FAM178B: variants seen among roughly 807,000 people sequenced by gnomAD.
The protein encoded by FAM178B is protein FAM178B.
FAM178B carries 82 observed loss-of-function variants against 91.7 expected under a neutral mutation model. The observed-to-expected ratio is 0.89, with a 90% confidence interval of 0.75 to 1.07. FAM178B has a LOEUF of 1.07. Ranked by LOEUF, FAM178B falls within the 50% of genes least tolerant of loss-of-function variation. The pLI is 0.00. For missense variants in FAM178B, 769 were observed against 846.7 expected, an observed-to-expected ratio of 0.91 and a Z score of 1.14; for synonymous variants, 368 against 359.4, an observed-to-expected ratio of 1.02 and a Z score of -0.27.
chr2:96,977,968 G>C (rs1450046382), intron 1 of FAM178B: 2 of 449,962 alleles, frequency 4.4e-6, no homozygotes, highest in Non-Finnish European at 4.5e-6. Flanking sequence ...GGGGGCGACC[G>C]GCAAGAGGGA....
rs765524889 is a variant in FAM178B, at chr2:96,878,505, G to A, written c.1777-12C>T. ...CACAGGTAGCAGGCCTGGAGGGAGA[G>A]CACAGGGAGAGCTGCTTCTCTAACT... On this transcript the variant is annotated splice_polypyrimidine_tract_variant and intron_variant, in intron 14 of 16. Transcript: ENST00000490605. The A allele has an allele frequency of 1.2e-6, 2 of 1,613,274 alleles. No homozygotes were observed. Among genetic ancestry groups the A allele is most frequent in the East Asian group, 2.2e-5 (1 of 44,884 alleles).
rs137940587 is a variant in FAM178B, at chr2:96,911,618, G to A, written c.1563-8911C>T. On this transcript the variant is annotated intron_variant, in intron 12 of 16. Coordinates refer to ENST00000490605, the MANE Select transcript of FAM178B (RefSeq NM_001122646.3). ...AGCATCTGAAGGACGGTCACACTCC[G>A]GGACAGCACAAGGTGGAGCTGGTGG... Among the ~76,000 whole-genome samples, 134 of 152,358 alleles carry A rather than the reference G, an allele frequency of 8.8e-4. No homozygotes were observed. In the Middle Eastern group the frequency reaches 0.014, roughly 15 times the overall value.
At chr2:96,927,607 A>C (rs1285938339) in intron 9 of FAM178B, among the ~76,000 whole-genome samples, 1 of 152,172 alleles carries the variant, frequency 6.6e-6, no homozygotes, top group East Asian at 1.9e-4. Context: ...AAAGTACTTG[A>C]GATGATGTGT....
Position 96,923,518 on chromosome 2 carries a change from A to G in FAM178B, c.1259T>C (p.Leu420Ser), listed in dbSNP as rs1410761923. The change falls in exon 10 of 17, where the codon TTG becomes TCG. Residue 420 changes from leucine (L) to serine (S), a missense_variant. Leu to Ser is a moderately radical substitution (Grantham distance 145). Transcript: ENST00000490605. ...GTAGATGTGGCCCAGGCTGATGTCC[A>G]AGGCAATCTCTTGGGGAGCGTCCTG... ...EEQDAPQEIA[L>S]DISLGHIYKF... 1.9e-6 allele frequency: 3 copies of G among 1,551,666 alleles called. No homozygotes were observed. The Admixed American group carries it at 5.9e-5, about 30-fold the overall frequency.
intron 16 of FAM178B, 163 bp downstream of exon 16, chr2:96,877,727 G>T: frequency 1.5e-6 from 1 of 655,576 alleles, no homozygotes; most frequent in Non-Finnish European, 2.6e-6. Flanking sequence ...GAATGATGAA[G>T]GCCCCTCAAG....
chr2:96,936,448 G>A lies in FAM178B; in HGVS notation c.1079-7128C>T, dbSNP rs1223315535. Among the ~76,000 whole-genome samples, 8 of 149,436 alleles carry A rather than the reference G, an allele frequency of 5.4e-5. No individual in the cohort carries two copies. In the South Asian group the frequency reaches 6.3e-4, roughly 12 times the overall value. ...GATCTCCCGACCTTGTGATCTGCCC[G>A]CCTTGGCCTCCCAAAGTGCTGGATT... On this transcript the variant is annotated intron_variant, in intron 8 of 16. Transcript: ENST00000490605.
At chr2:96,953,216 G>A (rs1796028) in intron 6 of FAM178B, among the ~76,000 whole-genome samples, 114,710 of 152,140 alleles carry the variant, frequency 0.75, 44,371 homozygotes, top group Middle Eastern at 0.83. Flanking sequence ...TTCTATCCAC[G>A]TGCCCGGTCA....
chr2:96,939,997 G>A (rs1470036186), intron 8 of FAM178B, among the ~76,000 whole-genome samples: 2 of 152,138 alleles, frequency 1.3e-5, no homozygotes, highest in Non-Finnish European at 2.9e-5. Flanking sequence ...ATTCTAATTG[G>A]AGACTTTGAA....
intron 1 of FAM178B, among the ~76,000 whole-genome samples, chr2:96,984,205 C>T (rs371740762): frequency 6.6e-5 from 10 of 152,130 alleles, no homozygotes; most frequent in East Asian, 3.9e-4. Flanking sequence ...TGTGATCTGC[C>T]GCTTCAGCCT....
chr2:96,951,557 C>T (rs2081928865), intron 6 of FAM178B, 73 bp from the exon 7 acceptor site: 2 of 1,097,660 alleles, frequency 1.8e-6, no homozygotes, highest in Non-Finnish European at 2.7e-6. Flanking sequence ...CCGCGGGAGG[C>T]TGTCACTACC....
At chr2:96,937,387 C>T (rs1034769190) in intron 8 of FAM178B, among the ~76,000 whole-genome samples, 8 of 152,042 alleles carry the variant, frequency 5.3e-5, no homozygotes, top group African/African-American at 7.2e-5. Context: ...GCCCTGGCTC[C>T]GGAGCATTAC....
chr2:96,970,128 T>C (rs540057189), intron 4 of FAM178B, among the ~76,000 whole-genome samples: 20 of 152,324 alleles, frequency 1.3e-4, no homozygotes, highest in Non-Finnish European at 1.9e-4. Context: ...CCCAGCCACC[T>C]GCACCTCCCT....
chr2:96,936,655 G>A (rs1019634769), intron 8 of FAM178B, among the ~76,000 whole-genome samples: 3 of 151,822 alleles, frequency 2.0e-5, no homozygotes, highest in African/African-American at 4.8e-5. Context: ...GATTACCAGC[G>A]CCTGCCACCA....
chr2:96,938,260 CTGA>C (rs985195008), intron 8 of FAM178B, among the ~76,000 whole-genome samples: 2 of 152,150 alleles, frequency 1.3e-5, no homozygotes, highest in Non-Finnish European at 2.9e-5. Context: ...TTAAAAATTC[CTGA>C]TGACAGGTAC....
At chr2:96,893,794 T>C (rs2153368554) in intron 14 of FAM178B, 132 bp downstream of exon 14, 1 of 1,141,314 alleles carries the variant, frequency 8.8e-7, no homozygotes. Flanking sequence ...AGCCTGTTGG[T>C]CTCTGCCCTG....
chr2:96,986,110 G>A (rs1271180934), intron 1 of FAM178B, 131 bp downstream of exon 1: 2 of 1,462,452 alleles, frequency 1.4e-6, no homozygotes, highest in South Asian at 1.4e-5. Flanking sequence ...CCTGAAAAGC[G>A]CCAGAGTAGC....
Position 96,972,153 on chromosome 2 carries a change from T to C in FAM178B, c.312A>G (p.Glu104=), listed in dbSNP as rs979003335. The part of the protein sequence containing the change: ...PKKPKIQAPG[E]TFPTDWSPPP... ...GGGGGCTCCAGTCAGTGGGAAACGT[T>C]TCCCCAGGTGCCTGTATCTTGGGCT... is the stretch of plus-strand genomic sequence containing the variant. Residue 104 remains glutamate (E), a synonymous_variant, in exon 3 of 17, where the codon GAA becomes GAG. Coordinates refer to ENST00000490605, the MANE Select transcript of FAM178B (RefSeq NM_001122646.3). The C allele has an allele frequency of 6.5e-7, 1 of 1,542,098 alleles. No individual in the cohort carries two copies. Among genetic ancestry groups the C allele is most frequent in the African/African-American group, 1.4e-5 (1 of 72,734 alleles).
At chr2:96,920,490 C>A (rs1448014500) in intron 12 of FAM178B, among the ~76,000 whole-genome samples, 1 of 152,040 alleles carries the variant, frequency 6.6e-6, no homozygotes, top group Non-Finnish European at 1.5e-5. Flanking sequence ...GTCCCAGCTA[C>A]TCGGGAGGCT....
intron 12 of FAM178B, among the ~76,000 whole-genome samples, chr2:96,911,527 C>T (rs959225964): frequency 2.0e-5 from 3 of 152,170 alleles, no homozygotes; most frequent in Non-Finnish European, 2.9e-5. Context: ...CAGGCTGCAC[C>T]GTGGCATTTC....
Sources: gnomAD v4.1 joint callset for allele counts (sites outside exome capture counted in the v4.1 genomes callset) on GRCh38, gnomAD v4.1.1 for gene constraint, MANE v1.5 for transcripts, NCBI Gene and HGNC (gene_info 2026-07-23, HGNC 2026-07-21) for gene names.